The following CPM variants were observed in gnomAD, a reference collection of about 807,000 sequenced individuals.
CPM encodes the protein renal carboxypeptidase.
CPM carries 35 observed loss-of-function variants against 46.4 expected under a neutral mutation model. The observed-to-expected ratio is 0.75, with a 90% confidence interval of 0.58 to 1.00. The LOEUF is 1.00. Ranked by LOEUF, CPM falls within the 50% of genes least tolerant of loss-of-function variation. The probability of loss-of-function intolerance (pLI) is 0.00; values close to 1 mark genes in which losing one functional copy is unlikely to be tolerated. For missense variants in CPM, 422 were observed against 530.4 expected, an observed-to-expected ratio of 0.80 and a Z score of 2.01; for synonymous variants, 195 against 195.3, an observed-to-expected ratio of 1.00 and a Z score of 0.01.
chr12:68,906,487 T>C (rs1159963998), intron 2 of CPM, among the ~76,000 whole-genome samples: 3 of 148,384 alleles, frequency 2.0e-5, no homozygotes, highest in African/African-American at 7.7e-5. Flanking sequence ...GAGCTCACTG[T>C]AGATTTTGTT....
At chr12:68,886,723 A>C (rs1339143899) in intron 2 of CPM, among the ~76,000 whole-genome samples, 1 of 152,208 alleles carries the variant, frequency 6.6e-6, no homozygotes, top group Non-Finnish European at 1.5e-5. Flanking sequence ...CTGTATTTAA[A>C]TGCTGATGTG....
At chr12:68,920,314 A>G (rs979775257) in intron 2 of CPM, among the ~76,000 whole-genome samples, 2 of 152,192 alleles carry the variant, frequency 1.3e-5, no homozygotes, top group Non-Finnish European at 1.5e-5. Context: ...CCAGTTAAAC[A>G]ATGGGAAAAC....
At chr12:68,867,131 C>T (rs1885488793) in intron 6 of CPM, 83 bp from the exon 7 acceptor site, 1 of 1,311,240 alleles carries the variant, frequency 7.6e-7, no homozygotes, top group Admixed American at 1.9e-5. Context: ...ACAAATGAAT[C>T]AGACAGCTAC....
chr12:68,907,191 T>C (rs1318377269), intron 2 of CPM, among the ~76,000 whole-genome samples: 1 of 152,332 alleles, frequency 6.6e-6, no homozygotes, highest in Middle Eastern at 3.4e-3. Context: ...AGGTGTCATA[T>C]CTTTTCCTGA....
At chr12:68,951,373 A>G (rs1425120294) in intron 1 of CPM, among the ~76,000 whole-genome samples, 1 of 152,182 alleles carries the variant, frequency 6.6e-6, no homozygotes, top group Non-Finnish European at 1.5e-5. Context: ...GATACAGGCA[A>G]GTTAACTAGA....
chr12:68,927,945 C>A (rs1888337500), intron 2 of CPM, among the ~76,000 whole-genome samples: 1 of 152,084 alleles, frequency 6.6e-6, no homozygotes, highest in African/African-American at 2.4e-5. Context: ...GCCATACTGC[C>A]CAAGGTAATT....
intron 2 of CPM, among the ~76,000 whole-genome samples, chr12:68,896,154 T>A (rs1886866120): frequency 6.6e-6 from 1 of 152,140 alleles, no homozygotes; most frequent in Admixed American, 6.5e-5. Context: ...TAATACCTGC[T>A]CTTTCTTCTG....
At chr12:68,846,990 A>G (rs1453772089), downstream of CPM, 2 of 151,004 alleles carry the variant, frequency 1.3e-5, no homozygotes, top group East Asian at 3.9e-4. Flanking sequence ...GAAGTTTTTT[A>G]TTTGTTTTTT....
intron 1 of CPM, 50 bp from the exon 2 acceptor site, chr12:68,932,890 G>A: frequency 1.3e-6 from 2 of 1,560,314 alleles, no homozygotes; most frequent in Non-Finnish European, 1.8e-6. Context: ...GAGGGCAGGC[G>A]GGGGCATCAC....
chr12:68,885,900 A>G lies in CPM; in HGVS notation c.161-11T>C. On this transcript the variant is annotated splice_polypyrimidine_tract_variant and intron_variant, in intron 2 of 8. Transcript: ENST00000551568. ...CCCACAGGTTTCTACCTTTACAGGA[A>G]AAGAAGAAAAGATGGAAAAGTAAGT... 1 of 1,606,146 alleles carries G rather than the reference A, an allele frequency of 6.2e-7. No homozygotes were observed. The highest frequency in any genetic ancestry group is 1.1e-5 in the South Asian group (1 of 90,300).
chr12:68,867,059 G>A lies in CPM; in HGVS notation c.788-11C>T. 1.2e-6 allele frequency: 2 copies of A among 1,613,194 alleles called. No homozygotes were observed. The highest frequency in any genetic ancestry group is 1.7e-6 in the Non-Finnish European group (2 of 1,179,762). On this transcript the variant is annotated splice_polypyrimidine_tract_variant and intron_variant, in intron 6 of 8. Transcript: ENST00000551568. ...AATCTTGCATTCCACCTAAACACAA[G>A]CATATTTAATTTTTGTTAGGGTCTA...
In CPM at chr12:68,918,644, A is replaced by AT. The variant is rs1306378769; in HGVS notation, c.160+14033_160+14034insA. On this transcript the variant is annotated intron_variant, in intron 2 of 8. Coordinates refer to ENST00000551568, the MANE Select transcript of CPM (RefSeq NM_198320.5). Reference sequence around the variant, plus strand: ...ATCCAATCCAATCCAATCCAATCCAACCCAACCCAACCCAACCCATTAGCA... The same window carrying AT: ...ATCCAATCCAATCCAATCCAATCCAATCCCAACCCAACCCAACCCATTAGCA... 1.6e-3 allele frequency among the ~76,000 whole-genome samples: 237 copies of AT among 151,898 alleles called. 3 individuals carry two copies. The highest frequency in any genetic ancestry group is 5.1e-3 in the African/African-American group (213 of 41,408).
chr12:68,872,331 C>T (rs1885742572), intron 3 of CPM, among the ~76,000 whole-genome samples: 1 of 143,654 alleles, frequency 7.0e-6, no homozygotes. Context: ...TGGCTCATTG[C>T]AACCTCCGCC....
At chr12:68,868,119 G>A (rs1184222408) in intron 6 of CPM, among the ~76,000 whole-genome samples, 2 of 152,150 alleles carry the variant, frequency 1.3e-5, no homozygotes, top group African/African-American at 4.8e-5. Flanking sequence ...ATTTGCCTTC[G>A]AAAGTTAGAC....
intron 2 of CPM, among the ~76,000 whole-genome samples, chr12:68,903,602 G>A (rs1398968755): frequency 6.6e-6 from 1 of 152,168 alleles, no homozygotes; most frequent in Non-Finnish European, 1.5e-5. Flanking sequence ...GAGTTTACCC[G>A]TTCATTAAAG....
chr12:68,889,037 C>A (rs1886546334), intron 2 of CPM, among the ~76,000 whole-genome samples: 1 of 152,178 alleles, frequency 6.6e-6, no homozygotes, highest in Non-Finnish European at 1.5e-5. Context: ...CACCTGGGAT[C>A]CTTGTAAAAG....
intron 2 of CPM, among the ~76,000 whole-genome samples, chr12:68,920,128 C>T (rs1887973371): frequency 6.6e-6 from 1 of 152,222 alleles, no homozygotes. Context: ...CCTGCTTCAC[C>T]TTCTGCCATG....
At chr12:68,917,290 G>T (rs530983550) in intron 2 of CPM, among the ~76,000 whole-genome samples, 28 of 152,236 alleles carry the variant, frequency 1.8e-4, no homozygotes, top group African/African-American at 6.7e-4. Context: ...TGACATCTGC[G>T]TTTATTGGTT....
intron 1 of CPM, among the ~76,000 whole-genome samples, chr12:68,942,585 CTG>C (rs1888781664): frequency 6.6e-6 from 1 of 152,186 alleles, no homozygotes; most frequent in South Asian, 2.1e-4. Flanking sequence ...ATTGTTTACT[CTG>C]TGTCAGGCAC....
Sources: gnomAD v4.1 joint callset for allele counts (sites outside exome capture counted in the v4.1 genomes callset) on GRCh38, gnomAD v4.1.1 for gene constraint, MANE v1.5 for transcripts, NCBI Gene and HGNC (gene_info 2026-07-23, HGNC 2026-07-21) for gene names.